Variants in IQSEC1 observed in about 807,000 individuals in gnomAD.
IQSEC1 encodes the protein IQ motif and Sec7 domain ArfGEF 1.
Under a neutral mutation model 91.0 loss-of-function variants are expected in IQSEC1, and 31 were observed. The observed-to-expected ratio is 0.34, with a 90% CI of 0.26 to 0.46. IQSEC1 has a LOEUF of 0.46. IQSEC1 is among the 20% of genes least tolerant of loss of function. The probability of loss-of-function intolerance (pLI) is 1.00; values close to 1 mark genes in which losing one functional copy is unlikely to be tolerated. For synonymous variants in IQSEC1, 699 were observed against 662.6 expected (o/e 1.05, Z -0.84); for missense variants, 1,388 against 1,575.6 (o/e 0.88, Z 2.02).
chr3:12,911,720 C>T lies in IQSEC1; in HGVS notation c.2325G>A (p.Lys775=). The change falls in exon 10 of 14, where the codon AAG becomes AAA. Residue 775 remains lysine (K), a synonymous_variant. Coordinates refer to ENST00000613206, the MANE Select transcript of IQSEC1 (RefSeq NM_001134382.3). Reference sequence around the variant, plus strand: ...CCGAGTTCTTCTTCTTCTGGAAGATCTTGGTGACCTAGAGGCAGCCAGAGA... The same window carrying T: ...CCGAGTTCTTCTTCTTCTGGAAGATTTTGGTGACCTAGAGGCAGCCAGAGA... The part of the protein sequence containing the change: ...FLFNDLLVVT[K]IFQKKKNSVT... The T allele has an allele frequency of 6.2e-7, 1 of 1,611,780 alleles. No homozygotes were observed. Among genetic ancestry groups the T allele is most frequent in the Non-Finnish European group, 8.5e-7 (1 of 1,179,046 alleles).
At chr3:13,280,701 C>T (rs1348423253) in intron 1 of IQSEC1, among the ~76,000 whole-genome samples, 1 of 152,218 alleles carries the variant, frequency 6.6e-6, no homozygotes, top group Non-Finnish European at 1.5e-5. Flanking sequence ...TCCAGCCCAC[C>T]CCAGACCCAC....
chr3:13,162,519 G>A (rs541448219), intron 2 of IQSEC1, among the ~76,000 whole-genome samples: 1 of 152,292 alleles, frequency 6.6e-6, no homozygotes, highest in South Asian at 2.1e-4. Context: ...AATATTCCTA[G>A]GTCTGCCCTG....
intron 1 of IQSEC1, among the ~76,000 whole-genome samples, chr3:12,990,345 T>G (rs1348973990): frequency 6.6e-6 from 1 of 152,190 alleles, no homozygotes; most frequent in Non-Finnish European, 1.5e-5. Flanking sequence ...TTGTTTGGAT[T>G]CAGCTCAGTC....
chr3:13,258,673 G>T (rs1275375446), intron 1 of IQSEC1, among the ~76,000 whole-genome samples: 3 of 152,134 alleles, frequency 2.0e-5, no homozygotes, highest in Admixed American at 6.5e-5. Context: ...GCAACAGCAT[G>T]AGATCCTGAA....
At chr3:13,120,395 C>T (rs1428170755) in intron 2 of IQSEC1, among the ~76,000 whole-genome samples, 1 of 152,172 alleles carries the variant, frequency 6.6e-6, no homozygotes, top group Non-Finnish European at 1.5e-5. Context: ...AAGGGAGACA[C>T]GGGCCAAGTA....
chr3:13,102,522 C>T (rs952340652), intron 2 of IQSEC1, among the ~76,000 whole-genome samples: 1 of 152,080 alleles, frequency 6.6e-6, no homozygotes, highest in Non-Finnish European at 1.5e-5. Flanking sequence ...GGCGTGAAAA[C>T]CTGTGCTTCA....
intron 2 of IQSEC1, among the ~76,000 whole-genome samples, chr3:13,147,012 C>G (rs564929596): frequency 6.6e-6 from 1 of 152,084 alleles, no homozygotes; most frequent in Non-Finnish European, 1.5e-5. Context: ...TGGCAAGTGA[C>G]AAAAAGCAAA....
chr3:13,107,856 G>C (rs553385015), intron 2 of IQSEC1, among the ~76,000 whole-genome samples: 1 of 152,160 alleles, frequency 6.6e-6, no homozygotes, highest in African/African-American at 2.4e-5. Context: ...AACGCCCAGC[G>C]GCCTGCTCCC....
At chr3:13,184,999 C>G (rs1693906655) in intron 1 of IQSEC1, among the ~76,000 whole-genome samples, 1 of 152,164 alleles carries the variant, frequency 6.6e-6, no homozygotes, top group Non-Finnish European at 1.5e-5. Flanking sequence ...CACAGACAAA[C>G]AGACAAGCAG....
At chr3:13,148,042 T>C (rs1276316573) in intron 2 of IQSEC1, among the ~76,000 whole-genome samples, 1 of 152,210 alleles carries the variant, frequency 6.6e-6, no homozygotes, top group African/African-American at 2.4e-5. Flanking sequence ...GGAATCTCCA[T>C]ACTATTTTCT....
At chr3:12,989,829 A>G (rs1701906581) in intron 1 of IQSEC1, among the ~76,000 whole-genome samples, 1 of 152,210 alleles carries the variant, frequency 6.6e-6, no homozygotes, top group Non-Finnish European at 1.5e-5. Context: ...GTCCCCCATG[A>G]TAAAGATGGG....
chr3:13,196,747 T>C (rs947610938), intron 1 of IQSEC1, among the ~76,000 whole-genome samples: 27 of 116,542 alleles, frequency 2.3e-4, no homozygotes, highest in East Asian at 1.8e-3. Flanking sequence ...TACATGTGTG[T>C]GCGTGTGTGT....
intron 1 of IQSEC1, among the ~76,000 whole-genome samples, chr3:12,946,945 C>CT (rs1277105410): frequency 1.3e-5 from 2 of 152,218 alleles, no homozygotes; most frequent in African/African-American, 4.8e-5. Flanking sequence ...CACAGACTCC[C>CT]TCCTAAAGAG....
chr3:12,937,532 G>C (rs1306302118), intron 2 of IQSEC1, among the ~76,000 whole-genome samples: 3 of 152,222 alleles, frequency 2.0e-5, no homozygotes, highest in African/African-American at 7.2e-5. Flanking sequence ...TTGAGGCCAG[G>C]TGCCTGAGTT....
rs1193471324 is a variant in IQSEC1, at chr3:13,281,049, G to A, written c.272+1662C>T. ...CCCCTGCGTGGTCACCAGGGGTGAC[G>A]CTGAAGGGAAAAAGGAAGCCATTCC... On this transcript the variant is annotated intron_variant, in intron 1 of 15. Transcript: ENST00000648114. Among the ~76,000 whole-genome samples the A allele has an allele frequency of 5.3e-5, 8 of 152,362 alleles. No individual in the cohort carries two copies. The South Asian group carries it at 8.3e-4, about 16-fold the overall frequency.
In IQSEC1 at chr3:12,898,003, C is replaced by T. The variant is rs1693818614; in HGVS notation, c.*2980G>A. The T allele has an allele frequency of 6.6e-6, 1 of 152,258 alleles. No homozygotes were observed. Among genetic ancestry groups the T allele is most frequent in the South Asian group, 2.1e-4 (1 of 4,830 alleles). 9.4% of individuals were successfully genotyped at this position (152,258 alleles called of 1,614,324 possible). A position where few individuals can be genotyped will look rare whatever the true frequency, so the allele number is the denominator to read the frequency against. ...TTTTGTCACATTGCCAGCTGTTTCC[C>T]TCAGCGTCTCCTGCTCCTGTCAGCA... is the stretch of plus-strand genomic sequence containing the variant. On this transcript the variant is annotated 3_prime_UTR_variant, in exon 14 of 14. Coordinates refer to ENST00000613206, the MANE Select transcript of IQSEC1 (RefSeq NM_001134382.3).
intron 1 of IQSEC1, among the ~76,000 whole-genome samples, chr3:12,988,416 AAAAAAT>A (rs925268607): frequency 7.9e-5 from 12 of 152,306 alleles, no homozygotes; most frequent in African/African-American, 1.4e-4. Context: ...CTCTATCTCA[AAAAAAT>A]AAAAATAAAA....
chr3:12,921,302 G>T (rs1696609362), intron 5 of IQSEC1, among the ~76,000 whole-genome samples: 1 of 152,150 alleles, frequency 6.6e-6, no homozygotes, highest in Non-Finnish European at 1.5e-5. Context: ...AAGGAGGTGG[G>T]TGCACCTTGC....
Position 13,263,955 on chromosome 3 carries a change from G to A in IQSEC1, c.272+18756C>T, listed in dbSNP as rs542744404. On this transcript the variant is annotated intron_variant, in intron 1 of 15. Transcript: ENST00000648114. Reference sequence around the variant, plus strand: ...TGGCCCAGCCGGTCTCTGGATTTGCGTCCTTGTCCCTGCGCCTGTCCGCCT... The same window carrying A: ...TGGCCCAGCCGGTCTCTGGATTTGCATCCTTGTCCCTGCGCCTGTCCGCCT... Among the ~76,000 whole-genome samples the A allele has an allele frequency of 4.6e-5, 7 of 152,336 alleles. No homozygotes were observed. The South Asian group carries it at 6.2e-4, about 14-fold the overall frequency.
Sources: gnomAD v4.1 joint callset for allele counts (sites outside exome capture counted in the v4.1 genomes callset) on GRCh38, gnomAD v4.1.1 for gene constraint, MANE v1.5 for transcripts, NCBI Gene and HGNC (gene_info 2026-07-23, HGNC 2026-07-21) for gene names.